Variants in KIRREL3 observed in about 807,000 individuals in gnomAD.
KIRREL3 encodes the protein kin of IRRE-like protein 3.
In KIRREL3, 36 loss-of-function variants were observed where a neutral mutation model predicts 89.7. That is an observed-to-expected ratio of 0.40 (90% confidence interval 0.31 to 0.53). The LOEUF is 0.53. Ranked by LOEUF, KIRREL3 falls within the 20% of genes least tolerant of loss-of-function variation. The pLI is 0.49. For missense variants in KIRREL3, 864 were observed against 1,056.6 expected, an observed-to-expected ratio of 0.82 and a Z score of 2.53; for synonymous variants, 445 against 441.4, an observed-to-expected ratio of 1.01 and a Z score of -0.10.
intron 11 of KIRREL3, among the ~76,000 whole-genome samples, chr11:126,439,331 A>G (rs1182248774): frequency 6.6e-6 from 1 of 151,870 alleles, no homozygotes; most frequent in Non-Finnish European, 1.5e-5. Flanking sequence ...CTCTGTCTCA[A>G]AAAAGAAAGA....
chr11:126,633,784 T>C (rs1337370370), intron 1 of KIRREL3, among the ~76,000 whole-genome samples: 1 of 152,216 alleles, frequency 6.6e-6, no homozygotes, highest in Non-Finnish European at 1.5e-5. Context: ...TTTTCCATCA[T>C]CCATCAGTGT....
At chr11:126,442,342 ACACACAC>A (rs1955610085) in intron 10 of KIRREL3, among the ~76,000 whole-genome samples, 3 of 140,412 alleles carry the variant, frequency 2.1e-5, no homozygotes, top group African/African-American at 8.1e-5. Context: ...ACACACACAC[ACACACAC>A]ACACAAAACC....
At chr11:126,941,503 G>A (rs1397538138) in intron 1 of KIRREL3, among the ~76,000 whole-genome samples, 1 of 152,212 alleles carries the variant, frequency 6.6e-6, no homozygotes, top group Non-Finnish European at 1.5e-5. Context: ...CTCACCAGGT[G>A]ATTCTCAGGC....
chr11:126,458,324 GCAC>G (rs982176386), intron 6 of KIRREL3, among the ~76,000 whole-genome samples: 2 of 152,374 alleles, frequency 1.3e-5, no homozygotes, highest in African/African-American at 4.8e-5. Context: ...CCCCATGGGG[GCAC>G]CACAAAGGGA....
At position 126,555,079 on chromosome 11, in the gene KIRREL3, G is replaced by A. The variant is rs1939600889; in HGVS notation, c.133+7756C>T. Among the ~76,000 whole-genome samples, 1 of 152,296 alleles carries A rather than the reference G, an allele frequency of 6.6e-6. No homozygotes were observed. The highest frequency in any genetic ancestry group is 3.4e-3 in the Middle Eastern group (1 of 292). On this transcript the variant is annotated intron_variant, in intron 2 of 16. Coordinates refer to ENST00000525144, the MANE Select transcript of KIRREL3 (RefSeq NM_032531.4). This position sits in a 1 kb window ranked among gnomAD's most constrained non-coding sequence, Gnocchi z 4.2. Reference sequence around the variant, plus strand: ...CTCCGCATACACTACCCTTCAATCTGTTCATGTGACCTGATTCTTCCTGAC... The same window carrying A: ...CTCCGCATACACTACCCTTCAATCTATTCATGTGACCTGATTCTTCCTGAC...
chr11:126,895,851 G>T (rs1946137015), intron 1 of KIRREL3, among the ~76,000 whole-genome samples: 1 of 152,170 alleles, frequency 6.6e-6, no homozygotes, highest in Non-Finnish European at 1.5e-5. Flanking sequence ...TGACCCAGCT[G>T]CCCCCAGTAG....
intron 1 of KIRREL3, among the ~76,000 whole-genome samples, chr11:126,923,133 T>C (rs1427491407): frequency 0.033 from 456 of 13,782 alleles, 71 homozygotes; most frequent in African/African-American, 0.07. Flanking sequence ...CTTCTTCTCT[T>C]CTTCTTCTTC....
At chr11:126,818,529 C>G (rs531848658) in intron 1 of KIRREL3, among the ~76,000 whole-genome samples, 110 of 152,022 alleles carry the variant, frequency 7.2e-4, no homozygotes, top group African/African-American at 2.5e-3. Flanking sequence ...ATGTCTATAC[C>G]TAGAATACTA....
chr11:126,518,853 A>T (rs1958501362), intron 4 of KIRREL3, among the ~76,000 whole-genome samples: 1 of 152,240 alleles, frequency 6.6e-6, no homozygotes. Flanking sequence ...GAGCCCTGCA[A>T]GACCAGCTGG....
chr11:126,514,672 C>T (rs1159652059), intron 4 of KIRREL3, among the ~76,000 whole-genome samples: 1 of 152,126 alleles, frequency 6.6e-6, no homozygotes, highest in East Asian at 1.9e-4. Flanking sequence ...TGATTATTTC[C>T]CTCATTTTAC....
In KIRREL3 at chr11:126,522,930, C is replaced by T. The variant is rs919799746; in HGVS notation, c.284-1466G>A. ...AGACGGGTGCTGTAGGAGGATGAGA[C>T]GGGACACATTCAGCCTTTTAAAGAG... On this transcript the variant is annotated intron_variant, in intron 3 of 16. Transcript: ENST00000525144. The surrounding 1 kb of genome is among the most constrained non-coding windows in gnomAD (Gnocchi z 6.0). Among the ~76,000 whole-genome samples, 5 of 152,190 alleles carry T rather than the reference C, an allele frequency of 3.3e-5. No homozygotes were observed. Among genetic ancestry groups the T allele is most frequent in the Admixed American group, 6.5e-5 (1 of 15,286 alleles).
At chr11:126,937,389 T>G (rs1428145181) in intron 1 of KIRREL3, among the ~76,000 whole-genome samples, 1 of 152,218 alleles carries the variant, frequency 6.6e-6, no homozygotes, top group Non-Finnish European at 1.5e-5. Context: ...TAACATACAC[T>G]AGCTCATCTA....
At chr11:126,964,223 T>C (rs777034736) in intron 1 of KIRREL3, among the ~76,000 whole-genome samples, 6 of 152,196 alleles carry the variant, frequency 3.9e-5, no homozygotes, top group Non-Finnish European at 8.8e-5. Context: ...GCCCAGCTGA[T>C]AGACTATTCC....
chr11:126,453,218 G>A (rs1367955672), intron 7 of KIRREL3, among the ~76,000 whole-genome samples: 1 of 152,124 alleles, frequency 6.6e-6, no homozygotes, highest in Non-Finnish European at 1.5e-5. Context: ...TGTCACAGCC[G>A]CCAGGTTGTC....
At chr11:126,794,270 A>G (rs1406547956) in intron 1 of KIRREL3, among the ~76,000 whole-genome samples, 1 of 152,224 alleles carries the variant, frequency 6.6e-6, no homozygotes, top group African/African-American at 2.4e-5. Context: ...TGGATAATTT[A>G]GTACTCATAG....
Position 126,656,918 on chromosome 11 carries a change from G to A in KIRREL3, c.56-94006C>T, listed in dbSNP as rs1190280049. ...AATACAGGGGTTGGCTGGGCATGGTGGTGTGTGCTTGTGGTCCTGGCTGCT... is the reference window on the plus strand; with the variant it reads ...AATACAGGGGTTGGCTGGGCATGGTAGTGTGTGCTTGTGGTCCTGGCTGCT... On this transcript the variant is annotated intron_variant, in intron 1 of 16. Transcript: ENST00000525144. This position sits in a 1 kb window ranked among gnomAD's most constrained non-coding sequence, Gnocchi z 4.0. 6.6e-6 allele frequency among the ~76,000 whole-genome samples: 1 copy of A among 152,030 alleles called. No homozygotes were observed. The highest frequency in any genetic ancestry group is 1.5e-5 in the Non-Finnish European group (1 of 68,002).
chr11:126,592,333 T>G (rs1942176721), intron 1 of KIRREL3, among the ~76,000 whole-genome samples: 1 of 152,212 alleles, frequency 6.6e-6, no homozygotes, highest in African/African-American at 2.4e-5. Context: ...TATACAATGC[T>G]AGGTCTGAAT....
In KIRREL3 at chr11:126,643,834, A is replaced by AT. The variant is rs1379359981; in HGVS notation, c.56-80923dup. Among the ~76,000 whole-genome samples, 4 of 152,172 alleles carry AT rather than the reference A, an allele frequency of 2.6e-5. No homozygotes were observed. Among genetic ancestry groups the AT allele is most frequent in the African/African-American group, 9.7e-5 (4 of 41,440 alleles). On this transcript the variant is annotated intron_variant, in intron 1 of 16. Coordinates refer to ENST00000525144, the MANE Select transcript of KIRREL3 (RefSeq NM_032531.4). The surrounding 1 kb of genome is among the most constrained non-coding windows in gnomAD (Gnocchi z 4.5). ...ACTGGTGACCAAAAAGATGAAGAGA[A>AT]TGAGGGGAGGAAGAGCAAAGCTGAC...
rs1173150215 is a variant in KIRREL3, at chr11:126,978,606, A to T, written c.55+21849T>A. Reference sequence around the variant, plus strand: ...ACGCCCAGCTCCGTGTGGGTCCCTGAGTGGTCTACGTTCTCCCATGCTTCC... The same window carrying T: ...ACGCCCAGCTCCGTGTGGGTCCCTGTGTGGTCTACGTTCTCCCATGCTTCC... On this transcript the variant is annotated intron_variant, in intron 1 of 16. Coordinates refer to ENST00000525144, the MANE Select transcript of KIRREL3 (RefSeq NM_032531.4). This position sits in a 1 kb window ranked among gnomAD's most constrained non-coding sequence, Gnocchi z 4.2. 6.6e-6 allele frequency among the ~76,000 whole-genome samples: 1 copy of T among 151,924 alleles called. No homozygotes were observed. The highest frequency in any genetic ancestry group is 1.5e-5 in the Non-Finnish European group (1 of 67,986).
Sources: allele counts gnomAD v4.1 joint callset (sites outside exome capture counted in the v4.1 genomes callset), GRCh38; gene constraint gnomAD v4.1.1; non-coding constraint Gnocchi (gnomAD v3.1); transcripts MANE v1.5; gene names NCBI Gene and HGNC (gene_info 2026-07-23, HGNC 2026-07-21).